ZNF521: variants seen among roughly 807,000 people sequenced by gnomAD.
The protein encoded by ZNF521 is zinc finger protein 521, also known as LYST-interacting protein 3.
A neutral mutation model predicts 105.5 loss-of-function variants in ZNF521; 14 were observed. The observed-to-expected ratio is 0.13, with a 90% CI of 0.09 to 0.21. ZNF521 has a LOEUF of 0.21. ZNF521 is among the 10% of genes least tolerant of loss of function. ZNF521 has a pLI of 1.00. For synonymous variants in ZNF521, 635 were observed against 606.0 expected (o/e 1.05, Z -0.70); for missense variants, 1,233 against 1,629.7 (o/e 0.76, Z 4.19).
At chr18:25,117,983 C>G (rs1369918104) in intron 5 of ZNF521, among the ~76,000 whole-genome samples, 3 of 151,648 alleles carry the variant, frequency 2.0e-5, no homozygotes, top group Non-Finnish European at 4.4e-5. Context: ...ATTTTAAAAG[C>G]AGGAAAAAAC....
intron 5 of ZNF521, among the ~76,000 whole-genome samples, chr18:25,098,808 T>C (rs2033906198): frequency 6.6e-6 from 1 of 152,182 alleles, no homozygotes; most frequent in African/African-American, 2.4e-5. Context: ...ACATTTTTTC[T>C]TTCAAAAAAT....
chr18:25,198,981 T>C (rs1443437030), intron 4 of ZNF521, among the ~76,000 whole-genome samples: 1 of 151,976 alleles, frequency 6.6e-6, no homozygotes, highest in East Asian at 1.9e-4. Flanking sequence ...TAGCTTAATA[T>C]CACTAAGAAT....
chr18:25,266,061 G>T (rs189235593), intron 3 of ZNF521, among the ~76,000 whole-genome samples: 2 of 152,166 alleles, frequency 1.3e-5, no homozygotes, highest in Non-Finnish European at 2.9e-5. Context: ...GGGTCTGGGG[G>T]AAAGGTGAGG....
At chr18:25,102,271 T>A (rs2033981601) in intron 5 of ZNF521, among the ~76,000 whole-genome samples, 1 of 152,148 alleles carries the variant, frequency 6.6e-6, no homozygotes, top group African/African-American at 2.4e-5. Context: ...GATAATTTTT[T>A]AAATTAAAAG....
chr18:25,330,969 C>A lies in ZNF521; in HGVS notation c.41-8782G>T, dbSNP rs75010247. On this transcript the variant is annotated intron_variant, in intron 2 of 7. Transcript: ENST00000361524. ...AAAAAGTACCCTGCTGAAGCTTTTT[C>A]TAGATGAAGGGCTTAAAGTAAAATA... Among the ~76,000 whole-genome samples the A allele has an allele frequency of 8.7e-3, 1,324 of 152,294 alleles. 14 individuals are homozygous for A. The highest frequency in any genetic ancestry group is 0.031 in the African/African-American group (1,271 of 41,580).
intron 2 of ZNF521, among the ~76,000 whole-genome samples, chr18:25,330,424 A>G (rs1913502513): frequency 6.6e-6 from 1 of 152,152 alleles, no homozygotes; most frequent in Admixed American, 6.5e-5. Flanking sequence ...TCAGCTGCCC[A>G]AAGTGCTGGG....
intron 5 of ZNF521, among the ~76,000 whole-genome samples, chr18:25,185,806 G>T (rs73404933): frequency 6.6e-6 from 1 of 152,158 alleles, no homozygotes; most frequent in Non-Finnish European, 1.5e-5. Context: ...AACGGAAGAA[G>T]AGGTAGCAGG....
intron 5 of ZNF521, among the ~76,000 whole-genome samples, chr18:25,192,778 A>C (rs73407171): frequency 0.061 from 9,314 of 151,826 alleles, 686 homozygotes; most frequent in African/African-American, 0.18. Context: ...TGCAGCCTGC[A>C]TCATTTGAAA....
intron 5 of ZNF521, among the ~76,000 whole-genome samples, chr18:25,179,116 CT>C (rs1175859497): frequency 2.1e-4 from 11 of 52,476 alleles, no homozygotes; most frequent in Non-Finnish European, 2.8e-4. Flanking sequence ...TTCTTTATTC[CT>C]TTTTTTTTTT....
chr18:25,152,808 G>A (rs529117405), intron 5 of ZNF521, among the ~76,000 whole-genome samples: 9 of 151,986 alleles, frequency 5.9e-5, no homozygotes, highest in East Asian at 1.9e-4. Context: ...CTGCTCTTCC[G>A]TGTTGTCTTC....
At chr18:25,253,629 G>T (rs541970980) in intron 3 of ZNF521, among the ~76,000 whole-genome samples, 3 of 152,204 alleles carry the variant, frequency 2.0e-5, no homozygotes, top group Admixed American at 6.6e-5. Flanking sequence ...GTTCCATTTA[G>T]ATTTTGTGCT....
chr18:25,077,185 T>C (rs1330509553), intron 7 of ZNF521, among the ~76,000 whole-genome samples: 1 of 152,182 alleles, frequency 6.6e-6, no homozygotes, highest in Non-Finnish European at 1.5e-5. Context: ...CAGCTCTGAA[T>C]ACAAGGGTCA....
chr18:25,265,762 T>C (rs892738930), intron 3 of ZNF521, among the ~76,000 whole-genome samples: 3 of 152,120 alleles, frequency 2.0e-5, no homozygotes, highest in East Asian at 1.9e-4. Context: ...CTGTTGACAA[T>C]AGCTAAGACT....
At chr18:25,246,575 A>C (rs1907740625) in intron 3 of ZNF521, among the ~76,000 whole-genome samples, 1 of 152,204 alleles carries the variant, frequency 6.6e-6, no homozygotes, top group African/African-American at 2.4e-5. Context: ...AAGACTATTC[A>C]GTTACTGCTT....
intron 3 of ZNF521, among the ~76,000 whole-genome samples, chr18:25,248,841 C>A (rs1200056246): frequency 2.0e-5 from 3 of 152,218 alleles, no homozygotes; most frequent in Non-Finnish European, 4.4e-5. Context: ...AAATGCTAAA[C>A]TAATCTATTT....
At chr18:25,078,590 A>G (rs1287567872) in intron 7 of ZNF521, among the ~76,000 whole-genome samples, 4 of 152,244 alleles carry the variant, frequency 2.6e-5, no homozygotes, top group South Asian at 2.1e-4. Context: ...CCCCTTTGGA[A>G]TAAGTGGAGT....
intron 4 of ZNF521, among the ~76,000 whole-genome samples, chr18:25,199,102 C>T (rs1323793333): frequency 6.6e-6 from 1 of 151,672 alleles, no homozygotes; most frequent in Non-Finnish European, 1.5e-5. Flanking sequence ...GTCTTTAGGC[C>T]TAACAATCCA....
At chr18:25,186,169 C>G (rs1295196318) in intron 5 of ZNF521, among the ~76,000 whole-genome samples, 1 of 152,176 alleles carries the variant, frequency 6.6e-6, no homozygotes, top group African/African-American at 2.4e-5. Flanking sequence ...GAGATTCTCT[C>G]CTCACCAAGG....
chr18:25,256,264 G>A (rs887197473), intron 3 of ZNF521, among the ~76,000 whole-genome samples: 1 of 151,854 alleles, frequency 6.6e-6, no homozygotes, highest in Admixed American at 6.6e-5. Context: ...GGGAGAGACG[G>A]AGATGCGGAA....
Sources: gnomAD v4.1 joint callset for allele counts (sites outside exome capture counted in the v4.1 genomes callset) on GRCh38, gnomAD v4.1.1 for gene constraint, MANE v1.5 for transcripts, NCBI Gene and HGNC (gene_info 2026-07-23, HGNC 2026-07-21) for gene names.